MMP17: variants seen among roughly 807,000 people sequenced by gnomAD.
MMP17 encodes the protein matrix metalloproteinase-17.
In MMP17, 54 loss-of-function variants were observed where a neutral mutation model predicts 49.1. The ratio of observed to expected loss-of-function variants is 1.10; its 90% CI spans 0.88 to 1.38. The LOEUF (loss-of-function observed/expected upper bound fraction) is 1.38, where lower values mean the gene tolerates loss of function less well. Ranked by LOEUF, MMP17 falls within the 40% of genes most tolerant of loss-of-function variation. MMP17 has a pLI of 0.00. For synonymous variants in MMP17, 397 were observed against 383.1 expected (o/e 1.04, Z -0.42); for missense variants, 837 against 853.7 (o/e 0.98, Z 0.24).
rs368085983 is a variant in MMP17 at position 131,845,457 on chromosome 12, G to A, written c.1204+8G>A. The A allele has an allele frequency of 4.8e-5, 74 of 1,553,954 alleles. No homozygotes were observed. Among genetic ancestry groups the A allele is most frequent in the Non-Finnish European group, 6.3e-5 (73 of 1,152,458 alleles). On this transcript the variant is annotated splice_region_variant and intron_variant, in intron 8 of 9. Transcript: ENST00000360564. ...AGATCGTCTTCTTTAAAGGTGGGTG[G>A]GCCTCCCCGTCGCACTCCGGGCTTC...
Position 131,828,537 on chromosome 12 carries a change from G to A in MMP17, c.43G>A (p.Gly15Arg). ...AARGPGPPPP[G>R]PGLSRLPLPL... ...CCGGGGACCCGGCCCGCCGCCCCCA[G>A]GGCCCGGACTCTCGCGGCTGCCGCT... The change falls in exon 1 of 10, where the codon GGG becomes AGG. Residue 15 changes from glycine to arginine, a missense_variant. Gly to Arg is a moderately radical substitution (Grantham distance 125). Coordinates refer to ENST00000360564, the MANE Select transcript of MMP17 (RefSeq NM_016155.7). 2.0e-6 allele frequency: 2 copies of A among 975,900 alleles called. No homozygotes were observed. Among genetic ancestry groups the A allele is most frequent in the Non-Finnish European group, 2.4e-6 (2 of 827,486 alleles). 60.5% of individuals were successfully genotyped at this position (975,900 alleles called of 1,614,324 possible). A position where few individuals can be genotyped will look rare whatever the true frequency, so the allele number is the denominator to read the frequency against.
chr12:131,841,721 G>T lies in MMP17; in HGVS notation c.804G>T (p.Pro268=), dbSNP rs141989989. Residue 268 remains proline (P), a synonymous_variant, in exon 5 of 10, where the codon CCG becomes CCT. Coordinates refer to ENST00000360564, the MANE Select transcript of MMP17 (RefSeq NM_016155.7). ...CCGCTGCACACTCCATCATGCGGCC[G>T]TACTACCAGGGCCCGGTGGGTGACC... The part of the protein sequence containing the change: ...HVAAAHSIMR[P]YYQGPVGDPL... The T allele has an allele frequency of 6.2e-7, 1 of 1,613,702 alleles. No individual in the cohort carries two copies. Among genetic ancestry groups the T allele is most frequent in the South Asian group, 1.1e-5 (1 of 91,054 alleles).
At chr12:131,840,377 C>T in intron 3 of MMP17, 196 bp from the exon 4 acceptor site, 1 of 560,882 alleles carries the variant, frequency 1.8e-6, no homozygotes, top group South Asian at 2.9e-5. Context: ...ATTTCCCTCC[C>T]TCCGTCATCT....
chr12:131,833,280 G>A (rs112897572), intron 1 of MMP17, among the ~76,000 whole-genome samples: 290 of 152,392 alleles, frequency 1.9e-3, no homozygotes, highest in Non-Finnish European at 2.9e-3. Flanking sequence ...ACTGTTGGCT[G>A]TTAGGATCGA....
chr12:131,838,123 C>G, intron 1 of MMP17, 72 bp from the exon 2 acceptor site: 1 of 1,504,276 alleles, frequency 6.6e-7, no homozygotes. Flanking sequence ...GCAGTGGTGG[C>G]CCGTGGCAGG....
At chr12:131,848,344 C>T (rs1319651393) in intron 8 of MMP17, among the ~76,000 whole-genome samples, 1 of 152,194 alleles carries the variant, frequency 6.6e-6, no homozygotes, top group Admixed American at 6.5e-5. Context: ...CCTTGGCCTC[C>T]CAAAGTGCTG....
chr12:131,851,116 A>C lies in MMP17; in HGVS notation c.1654A>C (p.Ser552Arg). Residue 552 changes from serine (S) to arginine (R), a missense_variant, in exon 10 of 10, where the codon AGC becomes CGC. Transcript: ENST00000360564. Reference protein sequence around the residue: ...PRAPPGQHDQSRSEDGYEVCS... With the variant: ...PRAPPGQHDQRRSEDGYEVCS... ...CGCCCCTCCAGGACAACATGACCAGAGCCGCTCGGAGGACGGTTACGAGGT... is the reference window on the plus strand; with the variant it reads ...CGCCCCTCCAGGACAACATGACCAGCGCCGCTCGGAGGACGGTTACGAGGT... 1.3e-6 allele frequency: 2 copies of C among 1,591,554 alleles called. No homozygotes were observed. The highest frequency in any genetic ancestry group is 1.7e-6 in the Non-Finnish European group (2 of 1,169,766).
intron 8 of MMP17, 148 bp downstream of exon 8, chr12:131,845,597 C>T: frequency 9.2e-7 from 1 of 1,092,768 alleles, no homozygotes; most frequent in Non-Finnish European, 1.3e-6. Context: ...GTGCACTCAG[C>T]AGATGCACTC....
chr12:131,838,531 G>A, intron 2 of MMP17, 81 bp from the exon 3 acceptor site: 7 of 1,521,328 alleles, frequency 4.6e-6, no homozygotes, highest in Non-Finnish European at 6.2e-6. Context: ...CAGAGTCAGG[G>A]CTCCCACCCT....
intron 5 of MMP17, among the ~76,000 whole-genome samples, chr12:131,842,875 T>A (rs914523152): frequency 6.6e-6 from 1 of 152,014 alleles, no homozygotes; most frequent in Non-Finnish European, 1.5e-5. Flanking sequence ...GTTCCAGAAC[T>A]TTTTCATCAC....
At chr12:131,841,238 A>G (rs1460925232) in intron 4 of MMP17, among the ~76,000 whole-genome samples, 2 of 152,200 alleles carry the variant, frequency 1.3e-5, no homozygotes, top group East Asian at 3.8e-4. Flanking sequence ...AGCCTTGGGA[A>G]CCATGCAGTC....
Position 131,838,520 on chromosome 12 carries a change from C to A in MMP17, c.293-92C>A, listed in dbSNP as rs137954532. The A allele has an allele frequency of 7.9e-5, 119 of 1,502,050 alleles. No individual in the cohort carries two copies. In the Middle Eastern group the frequency reaches 1.0e-3, roughly 13 times the overall value. 93.0% of individuals were successfully genotyped at this position (1,502,050 alleles called of 1,614,324 possible). A position where few individuals can be genotyped will look rare whatever the true frequency, so the allele number is the denominator to read the frequency against. ...GGAGGGGGCGGCTCGGAGGCTGGTGCCAGAGTCAGGGCTCCCACCCTTGCG... is the reference window on the plus strand; with the variant it reads ...GGAGGGGGCGGCTCGGAGGCTGGTGACAGAGTCAGGGCTCCCACCCTTGCG... On this transcript the variant is annotated intron_variant, in intron 2 of 9. Coordinates refer to ENST00000360564, the MANE Select transcript of MMP17 (RefSeq NM_016155.7).
At chr12:131,841,967 TGACGTCCCCA>T (rs1887439890) in intron 5 of MMP17, among the ~76,000 whole-genome samples, 167 bp downstream of exon 5, 1 of 152,118 alleles carries the variant, frequency 6.6e-6, no homozygotes, top group African/African-American at 2.4e-5. Context: ...AGCCCACCCC[TGACGTCCCCA>T]GAGCCCCTAG....
chr12:131,840,409 C>A, intron 3 of MMP17, 164 bp from the exon 4 acceptor site: 2 of 678,674 alleles, frequency 2.9e-6, no homozygotes, highest in Non-Finnish European at 4.9e-6. Context: ...CTACTGGAAC[C>A]GCCGTGAGTG....
chr12:131,828,966 A>G (rs1886655367), intron 1 of MMP17, among the ~76,000 whole-genome samples: 2 of 152,084 alleles, frequency 1.3e-5, no homozygotes, highest in African/African-American at 4.8e-5. Flanking sequence ...GCCGGCTTGC[A>G]GCAGCCCCGG....
chr12:131,828,558 C>CCGCTGCTGT lies in MMP17; in HGVS notation c.70_71insTGTCGCTGC (p.Leu23_Pro24insLeuSerLeu), dbSNP rs775314045. ...CCCAGGGCCCGGACTCTCGCGGCTG[C>CCGCTGCTGT]CGCTGCCGCTGCTGCTGCTGCTGGC... On this transcript the variant is annotated inframe_insertion, in exon 1 of 10. Coordinates refer to ENST00000360564, the MANE Select transcript of MMP17 (RefSeq NM_016155.7). 0.062 allele frequency: 62,272 copies of CCGCTGCTGT among 1,010,036 alleles called. 2,313 individuals are homozygous for CCGCTGCTGT. The highest frequency in any genetic ancestry group is 0.19 in the South Asian group (4,098 of 22,102). 62.6% of individuals were successfully genotyped at this position (1,010,036 alleles called of 1,614,324 possible).
intron 5 of MMP17, among the ~76,000 whole-genome samples, chr12:131,843,073 G>A (rs1593232967): frequency 1.3e-5 from 2 of 151,918 alleles, no homozygotes; most frequent in East Asian, 3.9e-4. Flanking sequence ...TCGGCTCGCT[G>A]CGACCTCAGC....
chr12:131,839,722 C>T (rs532777230), intron 3 of MMP17, among the ~76,000 whole-genome samples: 68 of 152,222 alleles, frequency 4.5e-4, no homozygotes, highest in Admixed American at 3.6e-3. Flanking sequence ...CCAAGGCGGG[C>T]GGATCATTTG....
chr12:131,850,466 C>T (rs1238379580), intron 9 of MMP17, among the ~76,000 whole-genome samples: 1 of 152,240 alleles, frequency 6.6e-6, no homozygotes, highest in Non-Finnish European at 1.5e-5. Context: ...GAAGAAACCT[C>T]CCCACAGGGT....
Sources: gnomAD v4.1 joint callset for allele counts (sites outside exome capture counted in the v4.1 genomes callset) on GRCh38, gnomAD v4.1.1 for gene constraint, MANE v1.5 for transcripts, NCBI Gene and HGNC (gene_info 2026-07-23, HGNC 2026-07-21) for gene names.